The following SETD4 variants were observed in gnomAD, a reference collection of about 807,000 sequenced individuals.
SETD4 encodes SET domain-containing protein 4.
A neutral mutation model predicts 58.3 loss-of-function variants in SETD4; 46 were observed. The observed-to-expected ratio is 0.79, with a 90% confidence interval of 0.62 to 1.01. SETD4 has a LOEUF of 1.01. Ranked by LOEUF, SETD4 falls within the 50% of genes least tolerant of loss-of-function variation. The pLI is 0.00. For missense variants in SETD4, 490 were observed against 523.3 expected, an observed-to-expected ratio of 0.94 and a Z score of 0.62; for synonymous variants, 190 against 202.6, an observed-to-expected ratio of 0.94 and a Z score of 0.53.
chr21:36,049,324 G>A (rs968991058), intron 4 of SETD4, among the ~76,000 whole-genome samples: 1 of 152,208 alleles, frequency 6.6e-6, no homozygotes, highest in Admixed American at 6.5e-5. Context: ...GGAGGCTGAG[G>A]CAGGTGGATC....
intron 6 of SETD4, among the ~76,000 whole-genome samples, chr21:36,045,161 A>C (rs188256115): frequency 5.3e-5 from 8 of 152,350 alleles, no homozygotes; most frequent in Admixed American, 2.0e-4. Context: ...GCTCAGTGGG[A>C]AAAAGAGCAA....
rs1394423846 is a variant in SETD4, at chr21:36,060,488, T to G, written c.-178A>C. The G allele has an allele frequency of 1.3e-5, 2 of 152,438 alleles. No individual in the cohort carries two copies. The highest frequency in any genetic ancestry group is 4.8e-5 in the African/African-American group (2 of 41,474). 9.4% of individuals were successfully genotyped at this position (152,438 alleles called of 1,614,324 possible). On this transcript the variant is annotated 5_prime_UTR_variant, in exon 1 of 12. Transcript: ENST00000332131. ...GGGAGAGGCTGAAGGCTGTCGCGCC[T>G]GCCTGGTGTCCTTAAGCAATCCAAG...
Position 36,040,572 on chromosome 21 carries a change from T to TA in SETD4, c.1064+2dup. On this transcript the variant is annotated splice_region_variant and intron_variant, in intron 9 of 11. Transcript: ENST00000332131. The stretch of plus-strand genomic sequence containing the variant: ...GCTTAAGACCAACACATGTGAAACT[T>TA]ACAATTTCTCAGCTTCCAGACATAA... 1 of 1,612,844 alleles carries TA rather than the reference T, an allele frequency of 6.2e-7. No homozygotes were observed. Among genetic ancestry groups the TA allele is most frequent in the East Asian group, 2.2e-5 (1 of 44,856 alleles).
intron 9 of SETD4, 24 bp downstream of exon 9, chr21:36,040,551 A>G (rs1421837197): frequency 6.2e-7 from 1 of 1,600,660 alleles, no homozygotes; most frequent in Non-Finnish European, 8.6e-7. Flanking sequence ...GCTACAGCTT[A>G]AGACCAACAC....
chr21:36,045,589 T>C lies in SETD4; in HGVS notation c.719A>G (p.His240Arg), dbSNP rs372107585. The C allele has an allele frequency of 1.1e-5, 18 of 1,612,872 alleles. No homozygotes were observed. Among genetic ancestry groups the C allele is most frequent in the African/African-American group, 1.3e-5 (1 of 74,894 alleles). ...CCCTTGTCAGCTTCTCACCTGGACA[T>C]GTGGGCTATGATTCAGCAGGTCCAG... ...PYLDLLNHSP[H>R]VQVKAAFNEE... The change falls in exon 6 of 12, where the codon CAT becomes CGT. Residue 240 changes from histidine (H) to arginine (R), a missense_variant. By Grantham distance (29) the His-to-Arg change is conservative (BLOSUM62 0). Coordinates refer to ENST00000332131, the MANE Select transcript of SETD4 (RefSeq NM_017438.5).
Position 36,046,007 on chromosome 21 carries a change from T to C in SETD4, c.301A>G (p.Lys101Glu), listed in dbSNP as rs1219795218. 3.1e-6 allele frequency: 5 copies of C among 1,605,632 alleles called. No homozygotes were observed. Among genetic ancestry groups the C allele is most frequent in the Non-Finnish European group, 3.4e-6 (4 of 1,176,970 alleles). Residue 101 changes from lysine to glutamate, a missense_variant, in exon 6 of 12, where the codon AAG becomes GAG. Lys to Glu is a moderately conservative substitution (Grantham distance 56, BLOSUM62 1). Transcript: ENST00000332131. ...GCCAGCAGAGGAGATGGAGGAGGCT[T>C]CCACCTTTGAAAATTAAAAGCCAGT... ...SYLGAYITKW[K>E]PPPSPLLALC...
Position 36,053,474 on chromosome 21 carries a change from G to GT in SETD4, c.207+108dup, listed in dbSNP as rs1181662927. On this transcript the variant is annotated intron_variant, in intron 4 of 11. Transcript: ENST00000332131. ...ATATTCAAATATATCTATTAGGTAA[G>GT]TAAGAAATGACTGTATGTCTGAAAT... The GT allele has an allele frequency of 2.8e-6, 3 of 1,069,908 alleles. No individual in the cohort carries two copies. In the African/African-American group the frequency reaches 4.7e-5, roughly 17 times the overall value. The allele number at this position is 1,069,908 out of a possible 1,614,324, so 66.3% of individuals were successfully genotyped here. A position where few individuals can be genotyped will look rare whatever the true frequency, so the allele number is the denominator to read the frequency against.
Position 36,048,410 on chromosome 21 carries a change from A to T in SETD4, c.208-14T>A, listed in dbSNP as rs781166803. The T allele has an allele frequency of 6.2e-7, 1 of 1,613,322 alleles. No homozygotes were observed. Among genetic ancestry groups the T allele is most frequent in the East Asian group, 2.2e-5 (1 of 44,866 alleles). The stretch of plus-strand genomic sequence containing the variant: ...CATCTGTCCCTCCTGGCCAAAAGGA[A>T]AGTAAAGTTGAGGACGCCTATGCTT... On this transcript the variant is annotated splice_polypyrimidine_tract_variant and intron_variant, in intron 4 of 11. Coordinates refer to ENST00000332131, the MANE Select transcript of SETD4 (RefSeq NM_017438.5).
chr21:36,059,658 A>C (rs1324332235), intron 1 of SETD4: 2 of 869,868 alleles, frequency 2.3e-6, no homozygotes, highest in Non-Finnish European at 2.8e-6. Flanking sequence ...ACTGCACTCC[A>C]ACCTGGGCGA....
chr21:36,048,539 T>C, intron 4 of SETD4, 143 bp from the exon 5 acceptor site: 1 of 718,298 alleles, frequency 1.4e-6, no homozygotes, highest in Non-Finnish European at 2.5e-6. Flanking sequence ...AGCCTACCAA[T>C]GGAGTCGCTC....
chr21:36,053,573 C>G lies in SETD4; in HGVS notation c.207+10G>C, dbSNP rs1467452142. 6.2e-7 allele frequency: 1 copy of G among 1,613,840 alleles called. No homozygotes were observed. Among genetic ancestry groups the G allele is most frequent in the African/African-American group, 1.3e-5 (1 of 74,918 alleles). ...ACATTGGGTTTCAAGGATCAAAGAA[C>G]AGTTCTCACCTGCAGGGATGTTTGA... On this transcript the variant is annotated intron_variant, in intron 4 of 11. Transcript: ENST00000332131.
chr21:36,036,404 G>C, intron 10 of SETD4, 153 bp from the exon 11 acceptor site: 1 of 409,562 alleles, frequency 2.4e-6, no homozygotes. Context: ...TCCAGCTCCA[G>C]AACTTTTTCT....
chr21:36,050,787 T>G, intron 4 of SETD4: 1 of 1,612,180 alleles, frequency 6.2e-7, no homozygotes. Context: ...AGCGCCATAC[T>G]TGTTCCAGAA....
chr21:36,050,233 C>T, intron 4 of SETD4: 2 of 1,342,112 alleles, frequency 1.5e-6, no homozygotes, highest in Non-Finnish European at 2.1e-6. Flanking sequence ...AGTTACGTGG[C>T]TGCCAAGTTG....
intron 5 of SETD4, 134 bp from the exon 6 acceptor site, chr21:36,046,145 G>C: frequency 1.1e-6 from 1 of 929,074 alleles, no homozygotes; most frequent in Non-Finnish European, 1.6e-6. Context: ...AGACTCAAGA[G>C]TTCCTTCCTT....
intron 3 of SETD4, among the ~76,000 whole-genome samples, chr21:36,053,928 TGGG>T (rs2064851121): frequency 6.6e-6 from 1 of 152,220 alleles, no homozygotes; most frequent in Non-Finnish European, 1.5e-5. Context: ...CTCTCTCCAC[TGGG>T]GCCTACCAGC....
At chr21:36,046,927 AG>A (rs2064358279) in intron 5 of SETD4, among the ~76,000 whole-genome samples, 3 of 152,290 alleles carry the variant, frequency 2.0e-5, no homozygotes, top group African/African-American at 7.2e-5. Flanking sequence ...AAAACATGCC[AG>A]GGGGAAAAAA....
chr21:36,038,292 A>G lies in SETD4; in HGVS notation c.1065-19T>C, dbSNP rs2063877754. 2 of 1,604,140 alleles carry G rather than the reference A, an allele frequency of 1.2e-6. No homozygotes were observed. The highest frequency in any genetic ancestry group is 1.1e-5 in the South Asian group (1 of 88,530). ...GCATGTACTAGAACCAAAATGTTCC[A>G]TGACACAATTTTAGCAGGCTCTCAA... On this transcript the variant is annotated intron_variant, in intron 9 of 11. Coordinates refer to ENST00000332131, the MANE Select transcript of SETD4 (RefSeq NM_017438.5).
chr21:36,045,249 A>T (rs1009297426), intron 6 of SETD4, among the ~76,000 whole-genome samples: 1 of 152,216 alleles, frequency 6.6e-6, no homozygotes, highest in African/African-American at 2.4e-5. Context: ...CAGGAAAGCA[A>T]GCTAAGCTTC....
Sources: gnomAD v4.1 joint callset for allele counts (sites outside exome capture counted in the v4.1 genomes callset) on GRCh38, gnomAD v4.1.1 for gene constraint, MANE v1.5 for transcripts, NCBI Gene and HGNC (gene_info 2026-07-23, HGNC 2026-07-21) for gene names.